Variants in CCDC171 observed in about 807,000 individuals in gnomAD.
The protein encoded by CCDC171 is coiled-coil domain containing 171, also known as coiled-coil domain-containing protein 171.
A neutral mutation model predicts 168.2 loss-of-function variants in CCDC171; 177 were observed. The observed-to-expected ratio is 1.05, with a 90% CI of 0.93 to 1.19. CCDC171 has a LOEUF of 1.19. Ranked by LOEUF, CCDC171 falls within the 50% of genes most tolerant of loss-of-function variation. The pLI is 0.00. For synonymous variants in CCDC171, 687 were observed against 540.8 expected, an observed-to-expected ratio of 1.27 and a Z score of -3.75; for missense variants, 1,991 against 1,539.0, an observed-to-expected ratio of 1.29 and a Z score of -4.91.
intron 3 of CCDC171, among the ~76,000 whole-genome samples, chr9:16,007,793 C>T (rs1407566903): frequency 6.6e-6 from 1 of 152,152 alleles, no homozygotes; most frequent in African/African-American, 2.4e-5. Context: ...TGGTCTATGT[C>T]TCTGTTTTGG....
chr9:15,926,964 A>G (rs933915286), intron 25 of CCDC171, among the ~76,000 whole-genome samples: 2 of 151,670 alleles, frequency 1.3e-5, no homozygotes, highest in African/African-American at 4.8e-5. Flanking sequence ...TGACTTATTT[A>G]ATGAATCAAG....
intron 25 of CCDC171, among the ~76,000 whole-genome samples, chr9:15,947,087 T>G (rs960996959): frequency 2.0e-5 from 3 of 151,984 alleles, no homozygotes; most frequent in Non-Finnish European, 2.9e-5. Context: ...AGTTGGGATT[T>G]TAGAAAGACA....
At chr9:15,936,706 A>T (rs1827161617) in intron 25 of CCDC171, among the ~76,000 whole-genome samples, 1 of 152,066 alleles carries the variant, frequency 6.6e-6, no homozygotes, top group Non-Finnish European at 1.5e-5. Context: ...GGCATAAGAA[A>T]TTGTAATGTC....
chr9:15,660,012 GACTT>G (rs1453071675), intron 8 of CCDC171, among the ~76,000 whole-genome samples: 57 of 152,172 alleles, frequency 3.7e-4, no homozygotes, highest in Middle Eastern at 3.4e-3. Context: ...CATTTTTAAA[GACTT>G]ACACTTTTTT....
chr9:15,639,292 T>C (rs2046420250), intron 7 of CCDC171, among the ~76,000 whole-genome samples: 1 of 152,074 alleles, frequency 6.6e-6, no homozygotes, highest in African/African-American at 2.4e-5. Flanking sequence ...GTCATAGGTA[T>C]TACACATTTA....
chr9:15,625,055 T>C (rs2044939710), intron 7 of CCDC171, among the ~76,000 whole-genome samples: 1 of 152,246 alleles, frequency 6.6e-6, no homozygotes, highest in Non-Finnish European at 1.5e-5. Flanking sequence ...TTTGCATTTC[T>C]CTGATGGTCA....
At chr9:15,677,316 A>C (rs1341514716) in intron 9 of CCDC171, among the ~76,000 whole-genome samples, 1 of 151,968 alleles carries the variant, frequency 6.6e-6, no homozygotes, top group Non-Finnish European at 1.5e-5. Flanking sequence ...AATTCAAGCT[A>C]CTCTGCCTTG....
intron 18 of CCDC171, among the ~76,000 whole-genome samples, chr9:15,776,692 G>A (rs1232154371): frequency 2.0e-5 from 3 of 152,096 alleles, no homozygotes; most frequent in Non-Finnish European, 4.4e-5. Context: ...GTTGATTACC[G>A]TCTCAGTCAA....
At chr9:15,843,635 A>G (rs181819534) in intron 21 of CCDC171, among the ~76,000 whole-genome samples, 2 of 152,232 alleles carry the variant, frequency 1.3e-5, no homozygotes, top group East Asian at 3.9e-4. Context: ...TTAGTATACA[A>G]ATAAAACTTC....
chr9:15,657,283 A>G (rs755603046), intron 8 of CCDC171, 64 bp downstream of exon 8: 1 of 941,648 alleles, frequency 1.1e-6, no homozygotes, highest in Non-Finnish European at 1.7e-6. Flanking sequence ...GCTGGGAAAA[A>G]CAGCACTGTG....
At chr9:15,753,977 G>A (rs751396225) in intron 18 of CCDC171, among the ~76,000 whole-genome samples, 16 of 152,086 alleles carry the variant, frequency 1.1e-4, no homozygotes, top group Admixed American at 2.6e-4. Context: ...CAAACATGAT[G>A]AGGGGTTTGT....
intron 7 of CCDC171, among the ~76,000 whole-genome samples, chr9:15,645,505 GT>G (rs2046967908): frequency 6.6e-6 from 1 of 152,162 alleles, no homozygotes; most frequent in South Asian, 2.1e-4. Flanking sequence ...TTGAAAAAAG[GT>G]TGGACGAATG....
intron 20 of CCDC171, among the ~76,000 whole-genome samples, chr9:15,781,986 A>G (rs2057691796): frequency 6.6e-6 from 1 of 152,202 alleles, no homozygotes; most frequent in South Asian, 2.1e-4. Flanking sequence ...CTGTGGCTCT[A>G]AAACTCATGC....
intron 24 of CCDC171, chr9:15,885,790 G>C (rs1004835077): frequency 4.6e-5 from 7 of 152,134 alleles, no homozygotes; most frequent in African/African-American, 1.2e-4. Context: ...AGAAAATACA[G>C]CAATGAATAT....
chr9:15,759,450 C>A (rs2056326899), intron 18 of CCDC171, among the ~76,000 whole-genome samples: 1 of 152,126 alleles, frequency 6.6e-6, no homozygotes, highest in Non-Finnish European at 1.5e-5. Context: ...ACATTACTGT[C>A]ATTCAGATCC....
intron 18 of CCDC171, among the ~76,000 whole-genome samples, chr9:15,753,865 C>T (rs1016512166): frequency 1.4e-4 from 21 of 152,044 alleles, no homozygotes; most frequent in African/African-American, 5.1e-4. Context: ...GAATATGGTC[C>T]ATACAGGTAG....
At chr9:15,723,547 T>C in intron 12 of CCDC171, 134 bp from the exon 13 acceptor site, 4 of 636,102 alleles carry the variant, frequency 6.3e-6, no homozygotes. Flanking sequence ...TCTTAATTAC[T>C]ATTGAAAAAT....
chr9:15,936,374 A>G (rs892523201), intron 25 of CCDC171, among the ~76,000 whole-genome samples: 2 of 152,012 alleles, frequency 1.3e-5, no homozygotes, highest in Non-Finnish European at 2.9e-5. Context: ...AAGAGTTGAC[A>G]TCCTGTGTTA....
At chr9:15,736,848 T>C (rs2054531422) in intron 16 of CCDC171, among the ~76,000 whole-genome samples, 2 of 152,084 alleles carry the variant, frequency 1.3e-5, no homozygotes, top group South Asian at 2.1e-4. Context: ...GCTAAGTTTT[T>C]GTATTTTTTC....
Sources: gnomAD v4.1 joint callset for allele counts (sites outside exome capture counted in the v4.1 genomes callset) on GRCh38, gnomAD v4.1.1 for gene constraint, MANE v1.5 for transcripts, NCBI Gene and HGNC (gene_info 2026-07-23, HGNC 2026-07-21) for gene names.